SORCS3: variants seen among roughly 807,000 people sequenced by gnomAD.
The protein encoded by SORCS3 is sortilin related VPS10 domain containing receptor 3, also known as VPS10 domain-containing receptor SorCS3.
Under a neutral mutation model 146.3 loss-of-function variants are expected in SORCS3, and 57 were observed. That is an observed-to-expected ratio of 0.39 (90% CI 0.31 to 0.49). SORCS3 has a LOEUF of 0.49. Ranked by LOEUF, SORCS3 falls within the 20% of genes least tolerant of loss-of-function variation. The probability of loss-of-function intolerance (pLI) is 0.92; values close to 1 mark genes in which losing one functional copy is unlikely to be tolerated. For missense variants in SORCS3, 1,341 were observed against 1,575.5 expected (o/e 0.85, Z 2.52); for synonymous variants, 653 against 618.5 (o/e 1.06, Z -0.83).
At position 104,671,325 on chromosome 10, in the gene SORCS3, C is replaced by CTTTTTTTTTTTTTTTTTTTTTTTT. The variant is rs771029154; in HGVS notation, c.627+29375_627+29398dup. Among the ~76,000 whole-genome samples, 29 of 19,202 alleles carry CTTTTTTTTTTTTTTTTTTTTTTTT rather than the reference C, an allele frequency of 1.5e-3. 11 individuals are homozygous for CTTTTTTTTTTTTTTTTTTTTTTTT. Among genetic ancestry groups the CTTTTTTTTTTTTTTTTTTTTTTTT allele is most frequent in the Admixed American group, 4.9e-3 (4 of 814 alleles). 12.6% of individuals were successfully genotyped at this position (19,202 alleles called of 152,430 possible). ...ATGTTAAGGTAGTTTCATTCTTTTC[C>CTTTTTTTTTTTTTTTTTTTTTTTT]TTTTTTTTTTTTTTTTTTTTTTTTT... On this transcript the variant is annotated intron_variant, in intron 1 of 26. Transcript: ENST00000369701.
intron 20 of SORCS3, among the ~76,000 whole-genome samples, chr10:105,231,926 G>A (rs1458922568): frequency 2.0e-5 from 3 of 151,950 alleles, no homozygotes; most frequent in Non-Finnish European, 4.4e-5. Context: ...GAGGATTTTT[G>A]CATCTTTGTT....
chr10:104,929,515 G>T (rs915193609), intron 3 of SORCS3, among the ~76,000 whole-genome samples: 1 of 152,200 alleles, frequency 6.6e-6, no homozygotes, highest in Admixed American at 6.5e-5. Flanking sequence ...CCATCTGCCT[G>T]TGTGCTCTGT....
chr10:104,789,409 G>A (rs1213362411), intron 1 of SORCS3, among the ~76,000 whole-genome samples: 2 of 152,120 alleles, frequency 1.3e-5, no homozygotes, highest in Non-Finnish European at 2.9e-5. Flanking sequence ...TTAGCCTCAA[G>A]GTCCTTAAAA....
At chr10:105,102,780 C>CTTTTTTTTTT in intron 6 of SORCS3, among the ~76,000 whole-genome samples, 1 of 92,526 alleles carries the variant, frequency 1.1e-5, no homozygotes, top group Non-Finnish European at 2.1e-5. Flanking sequence ...ACCTCTCAAC[C>CTTTTTTTTTT]TTTTTTTTTT....
chr10:105,129,275 ATCT>A (rs942544744), intron 7 of SORCS3, among the ~76,000 whole-genome samples: 2 of 149,746 alleles, frequency 1.3e-5, no homozygotes, highest in African/African-American at 4.9e-5. Context: ...CTCTTGCAAT[ATCT>A]TCTTTAACCT....
chr10:104,993,915 G>C (rs1384292886), intron 4 of SORCS3, among the ~76,000 whole-genome samples: 2 of 152,152 alleles, frequency 1.3e-5, no homozygotes, highest in African/African-American at 4.8e-5. Flanking sequence ...CTCAATAGCA[G>C]AGTCTGACAA....
intron 7 of SORCS3, among the ~76,000 whole-genome samples, chr10:105,123,105 C>T (rs993638619): frequency 1.3e-5 from 2 of 152,202 alleles, no homozygotes; most frequent in Non-Finnish European, 2.9e-5. Context: ...TGAAGACATT[C>T]CAATATATAA....
At chr10:105,083,358 G>A (rs187976366) in intron 5 of SORCS3, among the ~76,000 whole-genome samples, 88 of 152,120 alleles carry the variant, frequency 5.8e-4, no homozygotes, top group Admixed American at 1.4e-3. Flanking sequence ...CCTGAGGCTA[G>A]TTCTGCACTG....
chr10:104,913,766 C>CTTTTTTTTTTTTTTT, intron 2 of SORCS3, among the ~76,000 whole-genome samples: 1 of 106,482 alleles, frequency 9.4e-6, no homozygotes, highest in Non-Finnish European at 1.8e-5. Context: ...TATCCCCATT[C>CTTTTTTTTTTTTTTT]TTTTTTTTTT....
At chr10:104,718,327 C>T (rs911762149) in intron 1 of SORCS3, among the ~76,000 whole-genome samples, 3 of 151,928 alleles carry the variant, frequency 2.0e-5, no homozygotes, top group African/African-American at 7.3e-5. Context: ...CAAGAGAGGG[C>T]GAAACTTGCC....
rs374339469 is a variant in SORCS3 at position 105,262,483 on chromosome 10, G to A, written c.3596G>A (p.Arg1199Gln). Residue 1199 changes from arginine (R) to glutamine (Q), a missense_variant, in exon 26 of 27, where the codon CGG (arginine) becomes CAG (glutamine). By Grantham distance (43) the Arg-to-Gln change is conservative. Coordinates refer to ENST00000369701, the MANE Select transcript of SORCS3 (RefSeq NM_014978.3). The part of the protein sequence containing the change: ...EELLDKELDT[R>Q]VIGGIATIAN... The stretch of plus-strand genomic sequence containing the variant: ...CTGCTGGACAAAGAGCTGGACACGC[G>A]GGTCATAGGTACATGCTCCTGCTCC... 11 of 1,613,192 alleles carry A rather than the reference G, an allele frequency of 6.8e-6. No homozygotes were observed. Among genetic ancestry groups the A allele is most frequent in the East Asian group, 6.7e-5 (3 of 44,884 alleles).
intron 13 of SORCS3, among the ~76,000 whole-genome samples, chr10:105,170,076 T>C (rs780120373): frequency 7.2e-5 from 11 of 152,142 alleles, no homozygotes; most frequent in Non-Finnish European, 1.2e-4. Flanking sequence ...GAGTTTATTT[T>C]TGTCATTTCC....
intron 4 of SORCS3, among the ~76,000 whole-genome samples, chr10:105,034,590 A>G (rs929002455): frequency 2.6e-5 from 4 of 152,188 alleles, no homozygotes; most frequent in African/African-American, 4.8e-5. Flanking sequence ...AGCCTCATCT[A>G]TGATCTCAAA....
intron 1 of SORCS3, among the ~76,000 whole-genome samples, chr10:104,786,682 C>A (rs1223673283): frequency 6.6e-6 from 1 of 151,992 alleles, no homozygotes; most frequent in Non-Finnish European, 1.5e-5. Context: ...AGGTGCAGAG[C>A]ATGTGCTGGG....
chr10:104,792,817 C>T (rs936622592), intron 1 of SORCS3, among the ~76,000 whole-genome samples: 2 of 152,014 alleles, frequency 1.3e-5, no homozygotes, highest in African/African-American at 2.4e-5. Context: ...TCTTCCTCCC[C>T]AGGAAGACTG....
chr10:105,163,883 TACACACACACACACACACAC>T (rs67886313), intron 11 of SORCS3, among the ~76,000 whole-genome samples: 199 of 138,714 alleles, frequency 1.4e-3, no homozygotes, highest in African/African-American at 4.9e-3. Flanking sequence ...GTTACGCACA[TACACACACACACACACACAC>T]ACACACACAC....
At chr10:105,183,193 C>T (rs1439855192) in intron 14 of SORCS3, among the ~76,000 whole-genome samples, 1 of 152,134 alleles carries the variant, frequency 6.6e-6, no homozygotes, top group African/African-American at 2.4e-5. Context: ...GTGAAAAGGG[C>T]TACAGATACC....
chr10:104,973,292 C>T (rs1313640530), intron 3 of SORCS3, among the ~76,000 whole-genome samples: 3 of 150,958 alleles, frequency 2.0e-5, no homozygotes, highest in Non-Finnish European at 4.5e-5. Context: ...CCTTGTACCT[C>T]TGGTAGAATT....
rs73330336 is a variant in SORCS3 at position 104,656,397 on chromosome 10, G to A, written c.627+14443G>A. On this transcript the variant is annotated intron_variant, in intron 1 of 26. Coordinates refer to ENST00000369701, the MANE Select transcript of SORCS3 (RefSeq NM_014978.3). Reference sequence around the variant, plus strand: ...GGTGGCCTGGCCTGGTGGCTTATGCGTGCAATTCTAGCACTTTGGGAGGCT... The same window carrying A: ...GGTGGCCTGGCCTGGTGGCTTATGCATGCAATTCTAGCACTTTGGGAGGCT... Among the ~76,000 whole-genome samples the A allele has an allele frequency of 4.3e-3, 659 of 152,198 alleles. 4 individuals are homozygous for A. Among genetic ancestry groups the A allele is most frequent in the African/African-American group, 0.015 (629 of 41,534 alleles).
Sources: allele counts gnomAD v4.1 joint callset (sites outside exome capture counted in the v4.1 genomes callset), GRCh38; gene constraint gnomAD v4.1.1; transcripts MANE v1.5; gene names NCBI Gene and HGNC (gene_info 2026-07-23, HGNC 2026-07-21).